The following ANXA4 variants were observed in gnomAD, a reference collection of about 807,000 sequenced individuals.
ANXA4 encodes 35-beta calcimedin.
In ANXA4, 39 loss-of-function variants were observed where a neutral mutation model predicts 49.8. That is an observed-to-expected ratio of 0.78 (90% confidence interval 0.61 to 1.02). The LOEUF (loss-of-function observed/expected upper bound fraction) is 1.02, where lower values mean the gene tolerates loss of function less well. ANXA4 is among the 50% of genes least tolerant of loss of function. The pLI, the probability that ANXA4 is intolerant of heterozygous loss-of-function variation, is 0.00. For synonymous variants in ANXA4, 134 were observed against 152.5 expected (o/e 0.88, Z 0.89); for missense variants, 360 against 410.1 (o/e 0.88, Z 1.05).
At chr2:69,656,700 C>T (rs1378847804) in intron 2 of ANXA4, among the ~76,000 whole-genome samples, 3 of 151,654 alleles carry the variant, frequency 2.0e-5, no homozygotes, top group Non-Finnish European at 4.4e-5. Flanking sequence ...CAGGCATGCG[C>T]CACCACACCC....
intron 1 of ANXA4, among the ~76,000 whole-genome samples, chr2:69,749,259 T>C (rs910025809): frequency 3.9e-5 from 6 of 152,178 alleles, no homozygotes; most frequent in African/African-American, 1.4e-4. Context: ...CTAGGGGTAA[T>C]GGTTTCCTTT....
chr2:69,690,209 C>T (rs553799126), intron 2 of ANXA4, among the ~76,000 whole-genome samples: 1 of 152,158 alleles, frequency 6.6e-6, no homozygotes, highest in African/African-American at 2.4e-5. Context: ...AAAATTTGTC[C>T]TCCCACCTAT....
chr2:69,715,198 TTTTTA>T (rs886671748), intron 2 of ANXA4, among the ~76,000 whole-genome samples: 5 of 152,124 alleles, frequency 3.3e-5, no homozygotes, highest in Admixed American at 2.0e-4. Flanking sequence ...CATGGTTTGT[TTTTTA>T]TTTTATTTTA....
At chr2:69,677,352 C>T (rs1171105604) in intron 2 of ANXA4, among the ~76,000 whole-genome samples, 1 of 152,064 alleles carries the variant, frequency 6.6e-6, no homozygotes, top group Non-Finnish European at 1.5e-5. Context: ...ACCTCAGCCT[C>T]CCAAGTAGCT....
intron 1 of ANXA4, among the ~76,000 whole-genome samples, chr2:69,745,696 A>G (rs1381228104): frequency 6.6e-6 from 1 of 151,534 alleles, no homozygotes; most frequent in Non-Finnish European, 1.5e-5. Context: ...ACACCCAGCT[A>G]ATTTTTGTAT....
chr2:69,678,581 G>C (rs1677490145), intron 2 of ANXA4, among the ~76,000 whole-genome samples: 1 of 151,682 alleles, frequency 6.6e-6, no homozygotes, highest in Non-Finnish European at 1.5e-5. Flanking sequence ...GTTTTTTGTA[G>C]AGACTGGGTT....
At chr2:69,695,074 G>A (rs1377725485) in intron 2 of ANXA4, among the ~76,000 whole-genome samples, 1 of 152,054 alleles carries the variant, frequency 6.6e-6, no homozygotes, top group Non-Finnish European at 1.5e-5. Context: ...AGCCCAGGAG[G>A]TCGAGGTTGC....
In ANXA4 at chr2:69,688,398, A is replaced by G. The variant is rs1009631100; in HGVS notation, n.767-32376A>G. On this transcript the variant is annotated intron_variant and non_coding_transcript_variant, in intron 2 of 3. Transcript: ENST00000418066. ...TTTCAATTCAACTAGGAGAATAGTG[A>G]GAAATACAGTGAGAAATTGTGACGT... Among the ~76,000 whole-genome samples, 3 of 152,338 alleles carry G rather than the reference A, an allele frequency of 2.0e-5. No homozygotes were observed. The East Asian group carries it at 5.8e-4, about 29-fold the overall frequency.
intron 2 of ANXA4, among the ~76,000 whole-genome samples, chr2:69,671,769 A>C (rs1677201084): frequency 1.3e-5 from 2 of 152,202 alleles, no homozygotes; most frequent in South Asian, 4.1e-4. Context: ...ATAAGTACAC[A>C]AAAAAGATGC....
At chr2:69,651,118 T>C (rs1573051498) in intron 1 of ANXA4, among the ~76,000 whole-genome samples, 1 of 152,208 alleles carries the variant, frequency 6.6e-6, no homozygotes, top group African/African-American at 2.4e-5. Flanking sequence ...TTTTTAAGAA[T>C]TGATTTGAGA....
At chr2:69,760,747 T>C (rs915661936) in intron 1 of ANXA4, among the ~76,000 whole-genome samples, 1 of 152,200 alleles carries the variant, frequency 6.6e-6, no homozygotes, top group African/African-American at 2.4e-5. Flanking sequence ...TTTAAAGAGA[T>C]AGTCTGACCA....
At chr2:69,754,887 G>T (rs1265419769) in intron 1 of ANXA4, among the ~76,000 whole-genome samples, 1 of 152,144 alleles carries the variant, frequency 6.6e-6, no homozygotes, top group Non-Finnish European at 1.5e-5. Context: ...GGTGACTCTA[G>T]GCTGGGCTTG....
intron 4 of ANXA4, among the ~76,000 whole-genome samples, chr2:69,805,472 G>T (rs1048426566): frequency 6.6e-6 from 1 of 151,878 alleles, no homozygotes; most frequent in Non-Finnish European, 1.5e-5. Flanking sequence ...TGGGCATGGT[G>T]GTGGGCACCT....
chr2:69,697,483 G>A (rs1678195422), intron 2 of ANXA4, among the ~76,000 whole-genome samples: 1 of 152,182 alleles, frequency 6.6e-6, no homozygotes, highest in East Asian at 1.9e-4. Context: ...TCATACTTGT[G>A]TTCACTGGAG....
Position 69,819,349 on chromosome 2 carries a change from T to G in ANXA4, c.783+11T>G. 1 of 1,594,894 alleles carries G rather than the reference T, an allele frequency of 6.3e-7. No individual in the cohort carries two copies. On this transcript the variant is annotated intron_variant, in intron 11 of 12. Transcript: ENST00000394295. ...TATAAATCGATGAAGGTAAATGGCCTTATTTTCAGCATCTAAATGAATTTG... is the reference window on the plus strand; with the variant it reads ...TATAAATCGATGAAGGTAAATGGCCGTATTTTCAGCATCTAAATGAATTTG...
At chr2:69,768,834 G>A (rs1671596343) in intron 1 of ANXA4, among the ~76,000 whole-genome samples, 1 of 152,176 alleles carries the variant, frequency 6.6e-6, no homozygotes, top group Admixed American at 6.5e-5. Context: ...CCAGCACTTT[G>A]GGAGGTGGAG....
intron 3 of ANXA4, among the ~76,000 whole-genome samples, chr2:69,722,859 G>A (rs1316562653): frequency 6.6e-6 from 1 of 151,830 alleles, no homozygotes; most frequent in Non-Finnish European, 1.5e-5. Flanking sequence ...AAAGCGCAGA[G>A]TAAACCTAAA....
At position 69,736,612 on chromosome 2, in the gene ANXA4, T is replaced by C. The variant is rs536306695; in HGVS notation, n.864+15741T>C. On this transcript the variant is annotated intron_variant and non_coding_transcript_variant, in intron 3 of 3. Transcript: ENST00000418066. The stretch of plus-strand genomic sequence containing the variant: ...TTCCCTTTTTTTAGAAAAAAGTTTC[T>C]TGGTTTATGTCCTTGTTTAGGTGGA... Among the ~76,000 whole-genome samples the C allele has an allele frequency of 5.9e-5, 9 of 152,332 alleles. No homozygotes were observed. In the South Asian group the frequency reaches 1.9e-3, roughly 32 times the overall value.
In ANXA4 at chr2:69,820,239, T is replaced by G. The variant is rs1262935453; in HGVS notation, c.784-460T>G. ...TTGTAGAAACACAGAGGAAAGGGTT[T>G]TTTTTTTTTTCAATATTTGTTTTTT... On this transcript the variant is annotated intron_variant, in intron 11 of 12. Transcript: ENST00000394295. Among the ~76,000 whole-genome samples the G allele has an allele frequency of 2.0e-5, 3 of 151,260 alleles. No homozygotes were observed. In the South Asian group the frequency reaches 6.3e-4, roughly 32 times the overall value.
Sources: allele counts gnomAD v4.1 joint callset (sites outside exome capture counted in the v4.1 genomes callset), GRCh38; gene constraint gnomAD v4.1.1; transcripts MANE v1.5; gene names NCBI Gene and HGNC (gene_info 2026-07-23, HGNC 2026-07-21).